Variants in SGSM3 observed in about 807,000 individuals in gnomAD.
SGSM3 encodes the protein small G protein signaling modulator 3.
A neutral mutation model predicts 100.5 loss-of-function variants in SGSM3; 96 were observed. The observed-to-expected ratio is 0.96, with a 90% confidence interval of 0.81 to 1.13. SGSM3 has a LOEUF of 1.13. Ranked by LOEUF, SGSM3 falls within the 50% of genes most tolerant of loss-of-function variation. The pLI, the probability that SGSM3 is intolerant of heterozygous loss-of-function variation, is 0.00. For synonymous variants in SGSM3, 483 were observed against 422.8 expected (o/e 1.14, Z -1.75); for missense variants, 1,001 against 1,015.8 (o/e 0.99, Z 0.20).
In SGSM3 at chr22:40,398,052, C is replaced by G. The variant is rs370891765; in HGVS notation, c.-111-2644C>G. On this transcript the variant is annotated intron_variant, in intron 1 of 21. Coordinates refer to ENST00000248929, the MANE Select transcript of SGSM3 (RefSeq NM_015705.6). The stretch of plus-strand genomic sequence containing the variant: ...GCGCCATCTCAACTCACTGCAACCT[C>G]TGCCTCCTGGGTTCAAGTGATTCTC... Among the ~76,000 whole-genome samples, 13 of 144,788 alleles carry G rather than the reference C, an allele frequency of 9.0e-5. No homozygotes were observed. In the East Asian group the frequency reaches 2.0e-3, roughly 22 times the overall value. The allele number at this position is 144,788 out of a possible 152,430, so 95.0% of individuals were successfully genotyped here.
At position 40,407,410 on chromosome 22, in the gene SGSM3, C is replaced by A; in HGVS notation, c.1369-3C>A. ...CTTGGTGGGCCTGTGTTCACTGTGG[C>A]AGGAGCTGACTCCAGACTATAGCAT... On this transcript the variant is annotated splice_region_variant and splice_polypyrimidine_tract_variant and intron_variant, in intron 12 of 21. Coordinates refer to ENST00000248929, the MANE Select transcript of SGSM3 (RefSeq NM_015705.6). The surrounding 1 kb of genome is among the most constrained non-coding windows in gnomAD (Gnocchi z 4.7). 6.2e-7 allele frequency: 1 copy of A among 1,611,610 alleles called. No homozygotes were observed. The highest frequency in any genetic ancestry group is 2.2e-5 in the East Asian group (1 of 44,838).
chr22:40,408,301 G>A lies in SGSM3; in HGVS notation c.1654G>A (p.Val552Met). The A allele has an allele frequency of 6.2e-7, 1 of 1,613,632 alleles. No individual in the cohort carries two copies. Among genetic ancestry groups the A allele is most frequent in the African/African-American group, 1.3e-5 (1 of 75,026 alleles). The change falls in exon 16 of 22, where the codon GTG becomes ATG. Residue 552 changes from valine to methionine, a missense_variant. Physicochemically the swap from Val to Met is conservative, Grantham distance 21. Coordinates refer to ENST00000248929, the MANE Select transcript of SGSM3 (RefSeq NM_015705.6). ...KEYSIAGDDSVTEGVTDLVRG... is the reference protein window; with the variant it reads ...KEYSIAGDDSMTEGVTDLVRG... ...GTACTCCATCGCGGGGGATGACTCGGTGACGGAGGGGGTCACAGACCTCGT... is the reference window on the plus strand; with the variant it reads ...GTACTCCATCGCGGGGGATGACTCGATGACGGAGGGGGTCACAGACCTCGT...
intron 1 of SGSM3, among the ~76,000 whole-genome samples, chr22:40,380,107 T>C (rs1461459666): frequency 1.3e-5 from 2 of 152,170 alleles, no homozygotes; most frequent in African/African-American, 4.8e-5. Flanking sequence ...TAAATGTACC[T>C]ACTACAGAAC....
intron 1 of SGSM3, among the ~76,000 whole-genome samples, chr22:40,382,645 G>T (rs1315599820): frequency 1.3e-5 from 2 of 152,190 alleles, no homozygotes; most frequent in African/African-American, 4.8e-5. Context: ...AGTCACAGAG[G>T]TTTGCCTGGG....
chr22:40,393,106 C>A (rs1284302326), intron 1 of SGSM3, among the ~76,000 whole-genome samples: 3 of 152,108 alleles, frequency 2.0e-5, no homozygotes, highest in Admixed American at 6.5e-5. Context: ...ATTCTTCTCA[C>A]CTTTTGACTA....
At chr22:40,393,257 AGAG>A (rs2049598919) in intron 1 of SGSM3, among the ~76,000 whole-genome samples, 1 of 152,190 alleles carries the variant, frequency 6.6e-6, no homozygotes, top group Non-Finnish European at 1.5e-5. Context: ...GCTGGGACTA[AGAG>A]GCGCGTGCCA....
intron 1 of SGSM3, among the ~76,000 whole-genome samples, chr22:40,392,124 T>C (rs1052399389): frequency 5.9e-5 from 9 of 152,180 alleles, no homozygotes; most frequent in Non-Finnish European, 7.3e-5. Context: ...CTGCAACCCA[T>C]GTGAAGAGGG....
Position 40,409,705 on chromosome 22 carries a change from C to T in SGSM3, c.2196C>T (p.Gly732=), listed in dbSNP as rs141477019. The T allele has an allele frequency of 6.3e-5, 102 of 1,612,816 alleles. No homozygotes were observed. The African/African-American group carries it at 6.8e-4, about 11-fold the overall frequency. The part of the protein sequence containing the change: ...KREAQQPLKE[G]VRDMLVKHHL... ...AGGCGCAGCAGCCCCTGAAGGAGGG[C>T]GTCCGGGACATGCTGGTGAAGCACC... The change falls in exon 22 of 22, where the codon GGC becomes GGT. Residue 732 remains glycine (G), a synonymous_variant. Coordinates refer to ENST00000248929, the MANE Select transcript of SGSM3 (RefSeq NM_015705.6).
chr22:40,389,916 G>GAAAAAAAAAAAAAAA (rs34606137), intron 1 of SGSM3, among the ~76,000 whole-genome samples: 1 of 104,936 alleles, frequency 9.5e-6, no homozygotes, highest in Non-Finnish European at 2.0e-5. Context: ...AAAAAAAAAA[G>GAAAAAAAAAAAAAAA]AAAAAAAAAA....
intron 1 of SGSM3, among the ~76,000 whole-genome samples, chr22:40,374,069 C>G (rs973696903): frequency 6.6e-6 from 1 of 152,154 alleles, no homozygotes; most frequent in Admixed American, 6.6e-5. Context: ...TCTCCTGCCT[C>G]AGCCTCCTGA....
Position 40,398,287 on chromosome 22 carries a change from TAAGGGTCAGGA to T in SGSM3, c.-111-2408_-111-2398del, listed in dbSNP as rs1484628199. 1.8e-4 allele frequency among the ~76,000 whole-genome samples: 19 copies of T among 106,294 alleles called. 2 individuals carry two copies. Among genetic ancestry groups the T allele is most frequent in the Admixed American group, 5.3e-4 (4 of 7,594 alleles). 69.7% of individuals were successfully genotyped at this position (106,294 alleles called of 152,430 possible). ...CAGCCTGTCATCTGATTCTCTAATG[TAAGGGTCAGGA>T]CTTTTTCCCCCACTGTTGTGTCCCA... On this transcript the variant is annotated intron_variant, in intron 1 of 21. Coordinates refer to ENST00000248929, the MANE Select transcript of SGSM3 (RefSeq NM_015705.6).
At position 40,386,447 on chromosome 22, in the gene SGSM3, C is replaced by G. The variant is rs372088204; in HGVS notation, c.-111-14249C>G. 1.3e-3 allele frequency among the ~76,000 whole-genome samples: 195 copies of G among 151,780 alleles called. 5 individuals carry two copies. In the South Asian group the frequency reaches 0.039, roughly 30 times the overall value. ...TGAATGTAATCCAATGGGCCTGTCT[C>G]TAGCTGTTTCCAAGTTTTTGATTCA... On this transcript the variant is annotated intron_variant, in intron 1 of 21. Coordinates refer to ENST00000248929, the MANE Select transcript of SGSM3 (RefSeq NM_015705.6).
rs1338993400 is a variant in SGSM3 at position 40,405,351 on chromosome 22, G to C, written c.618+67G>C. The C allele has an allele frequency of 2.2e-6, 3 of 1,384,958 alleles. No individual in the cohort carries two copies. The East Asian group carries it at 8.0e-5, about 37-fold the overall frequency. The allele number at this position is 1,384,958 out of a possible 1,614,324, so 85.8% of individuals were successfully genotyped here. Reference sequence around the variant, plus strand: ...CCCTCCAGGACCCTAACAAGGAGTGGCCTCCCGCTACGGGGCAGTAGCCCC... The same window carrying C: ...CCCTCCAGGACCCTAACAAGGAGTGCCCTCCCGCTACGGGGCAGTAGCCCC... On this transcript the variant is annotated intron_variant, in intron 7 of 21. Coordinates refer to ENST00000248929, the MANE Select transcript of SGSM3 (RefSeq NM_015705.6).
chr22:40,394,026 T>G lies in SGSM3; in HGVS notation c.-111-6670T>G, dbSNP rs571324731. On this transcript the variant is annotated intron_variant, in intron 1 of 21. Transcript: ENST00000248929. The stretch of plus-strand genomic sequence containing the variant: ...TGTTTCATTGGCCAGTTCCCAAATT[T>G]TGTTTCCTGCCTCCTTTTCTGCCTA... 4.6e-4 allele frequency among the ~76,000 whole-genome samples: 70 copies of G among 152,352 alleles called. 2 individuals carry two copies. In the South Asian group the frequency reaches 0.014, roughly 32 times the overall value.
At chr22:40,406,813 ATC>A in intron 10 of SGSM3, 151 bp downstream of exon 10, 1 of 860,736 alleles carries the variant, frequency 1.2e-6, no homozygotes, top group Non-Finnish European at 1.8e-6. Context: ...CTGTGGGGTG[ATC>A]CAGGCCTCCT....
chr22:40,389,770 G>T (rs1325344537), intron 1 of SGSM3, among the ~76,000 whole-genome samples: 1 of 151,530 alleles, frequency 6.6e-6, no homozygotes, highest in Non-Finnish European at 1.5e-5. Flanking sequence ...TGGATGTGGT[G>T]CTGCATGCCT....
At chr22:40,391,856 T>A (rs2049392929) in intron 1 of SGSM3, among the ~76,000 whole-genome samples, 1 of 152,212 alleles carries the variant, frequency 6.6e-6, no homozygotes, top group South Asian at 2.1e-4. Flanking sequence ...CCTTGGGCTC[T>A]GACAGCCAGT....
rs143035115 is a variant in SGSM3, at chr22:40,379,734, G to A, written c.-112+9046G>A. 1.0e-3 allele frequency among the ~76,000 whole-genome samples: 156 copies of A among 152,056 alleles called. 1 individual carries two copies. Among genetic ancestry groups the A allele is most frequent in the Middle Eastern group, 6.8e-3 (2 of 294 alleles). On this transcript the variant is annotated intron_variant, in intron 1 of 21. Coordinates refer to ENST00000248929, the MANE Select transcript of SGSM3 (RefSeq NM_015705.6). ...GTCTCTGTTCTTATTATTAAGGCAG[G>A]GTCTCACTTTGTCACCCAGGCTGGA...
chr22:40,393,855 A>C (rs1431179884), intron 1 of SGSM3, among the ~76,000 whole-genome samples: 1 of 152,228 alleles, frequency 6.6e-6, no homozygotes, highest in East Asian at 1.9e-4. Context: ...TCATGGCCTC[A>C]TCATCTCTTA....
Sources: gnomAD v4.1 joint callset for allele counts (sites outside exome capture counted in the v4.1 genomes callset) on GRCh38, gnomAD v4.1.1 for gene constraint, Gnocchi (gnomAD v3.1) non-coding constraint, MANE v1.5 for transcripts, NCBI Gene and HGNC (gene_info 2026-07-23, HGNC 2026-07-21) for gene names.